Variants in SSBP2 observed in about 807,000 individuals in gnomAD.
The protein encoded by SSBP2 is single-stranded DNA-binding protein 2.
Under a neutral mutation model 61.8 loss-of-function variants are expected in SSBP2, and 17 were observed. That is an observed-to-expected ratio of 0.28 (90% CI 0.19 to 0.41). The LOEUF (loss-of-function observed/expected upper bound fraction) is 0.41, where lower values mean the gene tolerates loss of function less well. SSBP2 is among the 10% of genes least tolerant of loss of function. The pLI, the probability that SSBP2 is intolerant of heterozygous loss-of-function variation, is 1.00. For synonymous variants in SSBP2, 139 were observed against 141.3 expected (o/e 0.98, Z 0.12); for missense variants, 310 against 458.7 (o/e 0.68, Z 2.96).
intron 4 of SSBP2, among the ~76,000 whole-genome samples, chr5:81,609,012 A>G (rs1324189709): frequency 6.6e-6 from 1 of 152,228 alleles, no homozygotes; most frequent in African/African-American, 2.4e-5. Context: ...AAGAGAAAAT[A>G]GAAGGAATTT....
chr5:81,708,671 TG>T (rs1312843322), intron 1 of SSBP2, among the ~76,000 whole-genome samples: 1 of 21,096 alleles, frequency 4.7e-5, no homozygotes, highest in Non-Finnish European at 7.1e-5. Flanking sequence ...CAACTCTCCC[TG>T]AAAAATCCTT....
intron 1 of SSBP2, among the ~76,000 whole-genome samples, chr5:81,717,100 A>T (rs921524597): frequency 6.6e-6 from 1 of 152,168 alleles, no homozygotes; most frequent in Non-Finnish European, 1.5e-5. Context: ...ACATTCATTG[A>T]TGGGTCTTCT....
intron 4 of SSBP2, among the ~76,000 whole-genome samples, chr5:81,596,738 A>G (rs1210854553): frequency 1.1e-5 from 1 of 93,524 alleles, no homozygotes; most frequent in Non-Finnish European, 2.0e-5. Context: ...AGAAATGGGG[A>G]AAGGATTCCC....
intron 1 of SSBP2, among the ~76,000 whole-genome samples, chr5:81,663,843 A>G (rs1750896998): frequency 6.6e-6 from 1 of 152,206 alleles, no homozygotes; most frequent in Admixed American, 6.5e-5. Context: ...AACTTTAGCA[A>G]TGGGACAAAT....
chr5:81,459,019 C>G (rs1764353712), intron 10 of SSBP2, among the ~76,000 whole-genome samples: 1 of 152,154 alleles, frequency 6.6e-6, no homozygotes, highest in Non-Finnish European at 1.5e-5. Context: ...GGTATACATT[C>G]ATCGAGGAGA....
intron 2 of SSBP2, among the ~76,000 whole-genome samples, chr5:81,639,711 A>AAGGGCCC (rs1363084941): frequency 1.3e-5 from 2 of 152,130 alleles, no homozygotes; most frequent in African/African-American, 4.8e-5. Flanking sequence ...CCAATCAGTA[A>AAGGGCCC]AATATGCCCA....
intron 4 of SSBP2, among the ~76,000 whole-genome samples, chr5:81,594,488 G>A (rs539665119): frequency 1.7e-4 from 26 of 152,116 alleles, no homozygotes; most frequent in Non-Finnish European, 2.2e-4. Context: ...TGCACCAAGC[G>A]GACCTAACAG....
intron 3 of SSBP2, among the ~76,000 whole-genome samples, chr5:81,617,804 T>A (rs1297822162): frequency 2.0e-5 from 2 of 98,734 alleles, no homozygotes; most frequent in African/African-American, 7.7e-5. Flanking sequence ...TATTCAACAT[T>A]CTTAAAGAAA....
chr5:81,497,439 G>A (rs953070537), intron 5 of SSBP2, among the ~76,000 whole-genome samples: 5 of 152,098 alleles, frequency 3.3e-5, no homozygotes, highest in Admixed American at 1.3e-4. Flanking sequence ...CTAAAAGCCC[G>A]CAAAAGATAT....
chr5:81,704,418 T>C (rs1754213114), intron 1 of SSBP2, among the ~76,000 whole-genome samples: 1 of 152,154 alleles, frequency 6.6e-6, no homozygotes, highest in South Asian at 2.1e-4. Context: ...TGAATGTACA[T>C]ATGCATACAG....
chr5:81,710,056 T>C (rs1169438904), intron 1 of SSBP2, among the ~76,000 whole-genome samples: 1 of 152,014 alleles, frequency 6.6e-6, no homozygotes, highest in Admixed American at 6.6e-5. Flanking sequence ...TTCAGCAAAC[T>C]TACTGCTTAT....
intron 4 of SSBP2, among the ~76,000 whole-genome samples, chr5:81,548,837 G>A (rs1378099117): frequency 6.6e-6 from 1 of 152,184 alleles, no homozygotes; most frequent in Non-Finnish European, 1.5e-5. Context: ...CAGAAGACTG[G>A]CGTGAACCCA....
intron 3 of SSBP2, among the ~76,000 whole-genome samples, chr5:81,624,003 T>G (rs1275338591): frequency 2.0e-5 from 3 of 152,266 alleles, no homozygotes; most frequent in African/African-American, 7.2e-5. Context: ...ATGGCAAGCC[T>G]TGTGCTAGGT....
chr5:81,689,154 G>A lies in SSBP2; in HGVS notation c.63-38815C>T, dbSNP rs145884762. On this transcript the variant is annotated intron_variant, in intron 1 of 16. Coordinates refer to ENST00000320672, the MANE Select transcript of SSBP2 (RefSeq NM_012446.5). ...AGAAGAACAAATTAGTGAGCTTGAA[G>A]ACAAGCTATTTGACAGTATACAGTC... is the stretch of plus-strand genomic sequence containing the variant. Among the ~76,000 whole-genome samples, 515 of 151,932 alleles carry A rather than the reference G, an allele frequency of 3.4e-3. 3 individuals are homozygous for A. The highest frequency in any genetic ancestry group is 0.011 in the African/African-American group (462 of 41,434).
At chr5:81,739,607 G>A (rs1756871250) in intron 1 of SSBP2, among the ~76,000 whole-genome samples, 1 of 152,114 alleles carries the variant, frequency 6.6e-6, no homozygotes, top group Non-Finnish European at 1.5e-5. Context: ...TCTGACTCAG[G>A]AAGGCTCAAC....
rs570636483 is a variant in SSBP2, at chr5:81,425,790, A to T, written c.1056+2795T>A. Among the ~76,000 whole-genome samples, 421 of 151,806 alleles carry T rather than the reference A, an allele frequency of 2.8e-3. 2 individuals are homozygous for T. Among genetic ancestry groups the T allele is most frequent in the Non-Finnish European group, 4.3e-3 (291 of 67,958 alleles). On this transcript the variant is annotated intron_variant, in intron 16 of 16. Coordinates refer to ENST00000320672, the MANE Select transcript of SSBP2 (RefSeq NM_012446.5). ...ATTTTGTTTTGTCAAGCATGTTGGC[A>T]CCGCAAGGTTTATGACTTTGGGCTG...
intron 4 of SSBP2, among the ~76,000 whole-genome samples, chr5:81,528,293 T>C (rs889619032): frequency 2.0e-5 from 3 of 152,076 alleles, no homozygotes; most frequent in Non-Finnish European, 4.4e-5. Context: ...CTAAGGTAGC[T>C]TGTGCTATTT....
chr5:81,444,416 C>G (rs569073993), intron 12 of SSBP2, among the ~76,000 whole-genome samples: 1 of 152,174 alleles, frequency 6.6e-6, no homozygotes, highest in Non-Finnish European at 1.5e-5. Context: ...TTTTTCCTGG[C>G]AGTTCCAAGT....
At chr5:81,553,349 A>G (rs565491088) in intron 4 of SSBP2, among the ~76,000 whole-genome samples, 10 of 152,272 alleles carry the variant, frequency 6.6e-5, no homozygotes, top group African/African-American at 2.4e-4. Flanking sequence ...AATCTTTCAG[A>G]AACAAGTTTA....
Sources: allele counts gnomAD v4.1 joint callset (sites outside exome capture counted in the v4.1 genomes callset), GRCh38; gene constraint gnomAD v4.1.1; transcripts MANE v1.5; gene names NCBI Gene and HGNC (gene_info 2026-07-23, HGNC 2026-07-21).